KIF6: variants seen among roughly 807,000 people sequenced by gnomAD.
KIF6 encodes kinesin-like protein KIF6.
Under a neutral mutation model 112.7 loss-of-function variants are expected in KIF6, and 106 were observed. That is an observed-to-expected ratio of 0.94 (90% CI 0.80 to 1.11). KIF6 has a LOEUF of 1.11. KIF6 is among the 50% of genes least tolerant of loss of function. The probability of loss-of-function intolerance (pLI) is 0.00; values close to 1 mark genes in which losing one functional copy is unlikely to be tolerated. For missense variants in KIF6, 929 were observed against 964.0 expected (o/e 0.96, Z 0.48); for synonymous variants, 339 against 339.9 (o/e 1.00, Z 0.03).
chr6:39,589,582 G>T (rs1205140989), intron 7 of KIF6, among the ~76,000 whole-genome samples: 1 of 152,116 alleles, frequency 6.6e-6, no homozygotes, highest in Non-Finnish European at 1.5e-5. Flanking sequence ...GTCATGTTTT[G>T]CTTAAGATGT....
chr6:39,585,671 T>C (rs1781588714), intron 8 of KIF6, among the ~76,000 whole-genome samples: 1 of 152,046 alleles, frequency 6.6e-6, no homozygotes, highest in African/African-American at 2.4e-5. Context: ...ACATGAAAGA[T>C]CACAAAATAA....
chr6:39,377,376 G>A (rs1184682047), intron 16 of KIF6, among the ~76,000 whole-genome samples: 1 of 38,868 alleles, frequency 2.6e-5, no homozygotes, highest in Admixed American at 3.4e-4. Context: ...CCCCAACCCC[G>A]GTTTCAGTTC....
At chr6:39,678,179 T>A (rs1281672975) in intron 3 of KIF6, among the ~76,000 whole-genome samples, 1 of 151,496 alleles carries the variant, frequency 6.6e-6, no homozygotes, top group Non-Finnish European at 1.5e-5. Context: ...TGCGGAGAAA[T>A]AGGAACACTT....
chr6:39,685,258 C>T lies in KIF6; in HGVS notation c.251+29434G>A, dbSNP rs558567939. On this transcript the variant is annotated intron_variant, in intron 3 of 22. Transcript: ENST00000287152. ...CAATATACTTGAGATGGCAAGACAA[C>T]AAGGCCTCAGGAAACAAATGGAGGA... Among the ~76,000 whole-genome samples the T allele has an allele frequency of 9.8e-5, 15 of 152,326 alleles. No homozygotes were observed. In the South Asian group the frequency reaches 1.0e-3, roughly 11 times the overall value.
intron 15 of KIF6, among the ~76,000 whole-genome samples, chr6:39,403,212 G>A (rs1002210159): frequency 3.9e-5 from 6 of 151,974 alleles, no homozygotes; most frequent in African/African-American, 1.5e-4. Flanking sequence ...AAATTGACTT[G>A]GGAGCATGTG....
At chr6:39,375,827 C>T (rs540807901) in intron 16 of KIF6, among the ~76,000 whole-genome samples, 4 of 152,346 alleles carry the variant, frequency 2.6e-5, no homozygotes, top group African/African-American at 7.2e-5. Context: ...ATCTGGACAA[C>T]CCTGACCAAT....
At chr6:39,648,601 G>A (rs1472382379) in intron 3 of KIF6, among the ~76,000 whole-genome samples, 1 of 152,160 alleles carries the variant, frequency 6.6e-6, no homozygotes, top group African/African-American at 2.4e-5. Flanking sequence ...TGCGAGACAT[G>A]TTCTTCAGTT....
chr6:39,585,310 C>T (rs1321395777), intron 8 of KIF6, among the ~76,000 whole-genome samples: 6 of 152,154 alleles, frequency 3.9e-5, no homozygotes, highest in Admixed American at 1.3e-4. Context: ...CTAGATCCCT[C>T]GCATGTGCAG....
intron 10 of KIF6, among the ~76,000 whole-genome samples, chr6:39,564,568 C>T (rs1780182315): frequency 6.6e-6 from 1 of 152,118 alleles, no homozygotes; most frequent in East Asian, 1.9e-4. Flanking sequence ...GCAATACAGC[C>T]AAGCTTCTAC....
rs1274592626 is a variant in KIF6, at chr6:39,456,586, A to C, written c.1646-25425T>G. On this transcript the variant is annotated intron_variant, in intron 13 of 22. Coordinates refer to ENST00000287152, the MANE Select transcript of KIF6 (RefSeq NM_145027.6). ...AAGACACAGACTGGCAAGTTGGATA[A>C]AGAGTCAAGACCCATCAGTGTTCTG... Among the ~76,000 whole-genome samples the C allele has an allele frequency of 3.2e-5, 4 of 123,228 alleles. No individual in the cohort carries two copies. The East Asian group carries it at 8.9e-4, about 27-fold the overall frequency. 80.8% of individuals were successfully genotyped at this position (123,228 alleles called of 152,430 possible). A position where few individuals can be genotyped will look rare whatever the true frequency, so the allele number is the denominator to read the frequency against.
At chr6:39,645,336 C>T (rs1022607402) in intron 3 of KIF6, among the ~76,000 whole-genome samples, 4 of 152,008 alleles carry the variant, frequency 2.6e-5, no homozygotes, top group Admixed American at 2.6e-4. Flanking sequence ...GAAAAAAATA[C>T]AAGTCATTTT....
intron 3 of KIF6, among the ~76,000 whole-genome samples, chr6:39,658,922 G>A (rs1291762698): frequency 6.6e-6 from 1 of 152,208 alleles, no homozygotes. Context: ...CTTTGGGCTA[G>A]AAGGACCAGT....
intron 13 of KIF6, among the ~76,000 whole-genome samples, chr6:39,436,857 T>C (rs1189453313): frequency 6.6e-6 from 1 of 152,192 alleles, no homozygotes; most frequent in East Asian, 1.9e-4. Flanking sequence ...AGGCTCTTTT[T>C]TTGGTTCCAT....
chr6:39,651,599 C>T (rs542595944), intron 3 of KIF6, among the ~76,000 whole-genome samples: 3 of 152,246 alleles, frequency 2.0e-5, no homozygotes, highest in African/African-American at 7.2e-5. Flanking sequence ...AAGTTATGAG[C>T]CTTTTTCTCC....
intron 16 of KIF6, among the ~76,000 whole-genome samples, chr6:39,364,382 G>A (rs1765400831): frequency 6.6e-6 from 1 of 152,138 alleles, no homozygotes; most frequent in African/African-American, 2.4e-5. Context: ...GCCTCCTAAA[G>A]TGTTGGGATT....
intron 13 of KIF6, among the ~76,000 whole-genome samples, chr6:39,445,999 A>G (rs1356240043): frequency 2.0e-5 from 3 of 152,100 alleles, no homozygotes; most frequent in African/African-American, 4.8e-5. Flanking sequence ...TTGTCAGGCA[A>G]TTTTCCCTCC....
At chr6:39,517,008 A>C (rs2150519250) in intron 13 of KIF6, among the ~76,000 whole-genome samples, 1 of 152,262 alleles carries the variant, frequency 6.6e-6, no homozygotes, top group South Asian at 2.1e-4. Context: ...CCTTCCTCCG[A>C]CACTGTGGCC....
intron 15 of KIF6, among the ~76,000 whole-genome samples, chr6:39,413,823 T>C (rs1581796531): frequency 2.6e-5 from 4 of 152,194 alleles, no homozygotes; most frequent in Admixed American, 6.5e-5. Context: ...AGTCAAACAT[T>C]GTAACCAATG....
chr6:39,531,716 A>G (rs1379535236), intron 13 of KIF6, among the ~76,000 whole-genome samples: 1 of 152,030 alleles, frequency 6.6e-6, no homozygotes, highest in African/African-American at 2.4e-5. Flanking sequence ...CAGGGGGCCA[A>G]TCCTCACCCT....
Sources: allele counts gnomAD v4.1 joint callset (sites outside exome capture counted in the v4.1 genomes callset), GRCh38; gene constraint gnomAD v4.1.1; transcripts MANE v1.5; gene names NCBI Gene and HGNC (gene_info 2026-07-23, HGNC 2026-07-21).